NPRL3: variants seen among roughly 807,000 people sequenced by gnomAD.
NPRL3 encodes the protein NPR3 like, GATOR1 complex subunit, also known as GATOR1 complex protein NPRL3.
A neutral mutation model predicts 57.2 loss-of-function variants in NPRL3; 23 were observed. The observed-to-expected ratio is 0.40, with a 90% CI of 0.29 to 0.57. The LOEUF is 0.57. NPRL3 is among the 20% of genes least tolerant of loss of function. NPRL3 has a pLI of 0.42. For missense variants in NPRL3, 691 were observed against 767.1 expected (o/e 0.90, Z 1.17); for synonymous variants, 333 against 321.1 (o/e 1.04, Z -0.39).
chr16:89,092 C>T, intron 12 of NPRL3: 1 of 594,778 alleles, frequency 1.7e-6, no homozygotes, highest in Non-Finnish European at 3.0e-6. Context: ...AACGGGTAGC[C>T]TCCCCTCTGG....
chr16:98,591 G>A lies in NPRL3; in HGVS notation c.768-290C>T, dbSNP rs549118630. On this transcript the variant is annotated intron_variant, in intron 8 of 13. Coordinates refer to ENST00000611875, the MANE Select transcript of NPRL3 (RefSeq NM_001077350.3). ...CTGGAGCCTCCTGGCCCTTAACTGC[G>A]GAGAGAAGGGCCAAGAGCGGGATTT... Among the ~76,000 whole-genome samples the A allele has an allele frequency of 1.0e-3, 157 of 152,334 alleles. 2 individuals carry two copies. Among genetic ancestry groups the A allele is most frequent in the South Asian group, 8.9e-3 (43 of 4,834 alleles).
rs1307426412 is a variant in NPRL3, at chr16:119,423, G to C, written c.189-168C>G. On this transcript the variant is annotated intron_variant, in intron 3 of 13. Transcript: ENST00000611875. Reference sequence around the variant, plus strand: ...CAGTTGCCCTTCTGTAGCAATCCCAGAGGTTATGGATGTAAGATCACCAGA... The same window carrying C: ...CAGTTGCCCTTCTGTAGCAATCCCACAGGTTATGGATGTAAGATCACCAGA... The C allele has an allele frequency of 4.7e-6, 3 of 642,916 alleles. No homozygotes were observed. The East Asian group carries it at 8.2e-5, about 18-fold the overall frequency. The allele number at this position is 642,916 out of a possible 1,614,324, so 39.8% of individuals were successfully genotyped here. A position where few individuals can be genotyped will look rare whatever the true frequency, so the allele number is the denominator to read the frequency against.
chr16:112,897 C>T (rs936315051), intron 5 of NPRL3, 122 bp from the exon 6 acceptor site: 1 of 949,376 alleles, frequency 1.1e-6, no homozygotes, highest in African/African-American at 1.7e-5. Context: ...AGCGTCTCTA[C>T]TCCTTTCCCC....
intron 9 of NPRL3, among the ~76,000 whole-genome samples, chr16:94,663 G>A (rs1898908444): frequency 1.3e-5 from 2 of 152,204 alleles, no homozygotes; most frequent in African/African-American, 2.4e-5. Context: ...GAGACAGGAG[G>A]ATTGCTTGCA....
rs1567126045 is a variant in NPRL3, at chr16:85,401, G to C, written c.*1304C>G. ...CACTTCCAAACTGTCCGTCCCACAG[G>C]GGACGGGGCTTGCGTCTTGCTGCGA... On this transcript the variant is annotated 3_prime_UTR_variant, in exon 14 of 14. Coordinates refer to ENST00000611875, the MANE Select transcript of NPRL3 (RefSeq NM_001077350.3). The C allele has an allele frequency of 5.0e-6, 8 of 1,600,940 alleles. No individual in the cohort carries two copies. Among genetic ancestry groups the C allele is most frequent in the Non-Finnish European group, 6.8e-6 (8 of 1,172,902 alleles).
chr16:90,782 A>T (rs142873107), intron 11 of NPRL3: 1 of 152,370 alleles, frequency 6.6e-6, no homozygotes, highest in East Asian at 1.9e-4. Context: ...CCAGGCAAGT[A>T]AGAAGACTTG....
intron 3 of NPRL3, among the ~76,000 whole-genome samples, chr16:129,729 G>A (rs1900704403): frequency 2.0e-5 from 3 of 152,172 alleles, no homozygotes; most frequent in Non-Finnish European, 2.9e-5. Context: ...TCAGAGAACT[G>A]CAGAGAAACA....
rs1899230196 is a variant in NPRL3, at chr16:100,429, T to C, written c.710A>G (p.Tyr237Cys). The C allele has an allele frequency of 6.2e-7, 1 of 1,606,038 alleles. No homozygotes were observed. Among genetic ancestry groups the C allele is most frequent in the Non-Finnish European group, 8.5e-7 (1 of 1,177,086 alleles). ...VSFCLPHKIH[Y>C]AASSLIPPEA... ...TGGGGGGATCAGACTGGAGGCCGCA[T>C]AGTGGATCTTGTGGGGCAGGCAGAA... Residue 237 changes from tyrosine to cysteine, a missense_variant, in exon 8 of 14, where the codon TAT becomes TGT. Physicochemically the swap from Tyr to Cys is radical, Grantham distance 194. Transcript: ENST00000611875.
intron 8 of NPRL3, 22 bp from the exon 9 acceptor site, chr16:98,323 CG>C (rs747851135): frequency 6.2e-7 from 1 of 1,611,580 alleles, no homozygotes; most frequent in Non-Finnish European, 8.5e-7. Flanking sequence ...TCACCTGTCA[CG>C]GAACACACGA....
At position 119,097 on chromosome 16, in the gene NPRL3, G is replaced by A. The variant is rs562153497; in HGVS notation, c.318+29C>T. 122 of 1,608,450 alleles carry A rather than the reference G, an allele frequency of 7.6e-5. No homozygotes were observed. In the African/African-American group the frequency reaches 1.4e-3, roughly 18 times the overall value. ...AAGGAGAGCCACATCTGCCCAGGGA[G>A]AGCCCCACCTGCCCAGGGAGAGCCA... On this transcript the variant is annotated intron_variant, in intron 4 of 13. Transcript: ENST00000611875.
intron 2 of NPRL3, among the ~76,000 whole-genome samples, chr16:131,502 G>A (rs1225346581): frequency 2.8e-5 from 4 of 144,824 alleles, no homozygotes; most frequent in East Asian, 2.0e-4. Context: ...AAAATTAGCC[G>A]GGCATGGTGG....
chr16:123,718 G>A (rs1361178901), intron 3 of NPRL3, among the ~76,000 whole-genome samples: 5 of 151,674 alleles, frequency 3.3e-5, no homozygotes, highest in Admixed American at 2.6e-4. Flanking sequence ...CAAGAAACAG[G>A]ATCACACACT....
intron 9 of NPRL3, among the ~76,000 whole-genome samples, chr16:96,656 A>AAAAT (rs1198194105): frequency 6.6e-6 from 1 of 151,006 alleles, no homozygotes; most frequent in African/African-American, 2.4e-5. Context: ...ACCAAAAAAA[A>AAAAT]AAAAAAAAAA....
intron 2 of NPRL3, among the ~76,000 whole-genome samples, chr16:134,694 A>ATTAT (rs1346965930): frequency 4.2e-4 from 43 of 103,426 alleles, no homozygotes; most frequent in African/African-American, 1.1e-3. Flanking sequence ...AATTATTATT[A>ATTAT]TTTTTTTTTT....
chr16:111,085 CA>C (rs1899788611), intron 6 of NPRL3, among the ~76,000 whole-genome samples: 1 of 151,806 alleles, frequency 6.6e-6, no homozygotes, highest in South Asian at 2.1e-4. Flanking sequence ...TATAATTGGC[CA>C]AAACAGAAAC....
Position 127,800 on chromosome 16 carries a change from G to A in NPRL3, c.188+2722C>T, listed in dbSNP as rs529792194. 2.8e-3 allele frequency among the ~76,000 whole-genome samples: 414 copies of A among 150,342 alleles called. 3 individuals carry two copies. Among genetic ancestry groups the A allele is most frequent in the Middle Eastern group, 0.014 (4 of 288 alleles). Reference sequence around the variant, plus strand: ...CTCCCAAGTAGCTGGGACTACAGGCGCCCGCCACCATGCCCGGATAACTTT... The same window carrying A: ...CTCCCAAGTAGCTGGGACTACAGGCACCCGCCACCATGCCCGGATAACTTT... On this transcript the variant is annotated intron_variant, in intron 3 of 13. Transcript: ENST00000611875.
intron 13 of NPRL3, among the ~76,000 whole-genome samples, chr16:87,140 G>T (rs905064931): frequency 1.3e-5 from 2 of 152,218 alleles, no homozygotes; most frequent in African/African-American, 4.8e-5. Context: ...CCAAGCCTGC[G>T]TCCTGATGTT....
intron 3 of NPRL3, chr16:127,332 C>T (rs1900568363): frequency 6.7e-6 from 1 of 150,162 alleles, no homozygotes; most frequent in African/African-American, 2.5e-5. Context: ...TCACTGCAAG[C>T]TCCATGTCCT....
rs912563196 is a variant in NPRL3, at chr16:85,831, T to C, written c.*874A>G. On this transcript the variant is annotated 3_prime_UTR_variant, in exon 14 of 14. Transcript: ENST00000611875. Reference sequence around the variant, plus strand: ...TAATTGTTTAAAAACCGAATAAATGTTTTATTTCTAGAAAACTGTGCCTTA... The same window carrying C: ...TAATTGTTTAAAAACCGAATAAATGCTTTATTTCTAGAAAACTGTGCCTTA... 30 of 1,430,048 alleles carry C rather than the reference T, an allele frequency of 2.1e-5. No individual in the cohort carries two copies. The highest frequency in any genetic ancestry group is 2.8e-5 in the Non-Finnish European group (30 of 1,089,404). 88.6% of individuals were successfully genotyped at this position (1,430,048 alleles called of 1,614,324 possible).
Sources: gnomAD v4.1 joint callset for allele counts (sites outside exome capture counted in the v4.1 genomes callset) on GRCh38, gnomAD v4.1.1 for gene constraint, MANE v1.5 for transcripts, NCBI Gene and HGNC (gene_info 2026-07-23, HGNC 2026-07-21) for gene names.